The following CCDC25 variants were observed in gnomAD, a reference collection of about 807,000 sequenced individuals.
CCDC25 encodes coiled-coil domain-containing protein 25.
Under a neutral mutation model 35.3 loss-of-function variants are expected in CCDC25, and 16 were observed. The observed-to-expected ratio is 0.45, with a 90% CI of 0.31 to 0.69. CCDC25 has a LOEUF of 0.69. CCDC25 is among the 30% of genes least tolerant of loss of function. CCDC25 has a pLI of 0.06. For synonymous variants in CCDC25, 79 were observed against 80.3 expected, an observed-to-expected ratio of 0.98 and a Z score of 0.09; for missense variants, 179 against 250.7, an observed-to-expected ratio of 0.71 and a Z score of 1.93.
At chr8:27,742,013 C>T (rs1387702195) in intron 7 of CCDC25, among the ~76,000 whole-genome samples, 1 of 152,082 alleles carries the variant, frequency 6.6e-6, no homozygotes, top group African/African-American at 2.4e-5. Flanking sequence ...GAGTTAACAG[C>T]TGTAATGGTA....
At chr8:27,766,322 G>A (rs1048698407) in intron 1 of CCDC25, among the ~76,000 whole-genome samples, 8 of 152,022 alleles carry the variant, frequency 5.3e-5, no homozygotes, top group African/African-American at 1.9e-4. Flanking sequence ...AGGGCAATAC[G>A]CTCTCCTAAA....
chr8:27,756,984 A>G (rs983408371), intron 3 of CCDC25, among the ~76,000 whole-genome samples: 3 of 152,210 alleles, frequency 2.0e-5, no homozygotes, highest in South Asian at 4.1e-4. Flanking sequence ...AGCTGTGAGT[A>G]AGTGCCAAGA....
rs561968583 is a variant in CCDC25 at position 27,766,547 on chromosome 8, T to C, written c.29-1296A>G. ...AATGCTTGTCTATTATTGAGCATTG[T>C]AGTACCTTGATCAGGCCTTAGTGTA... On this transcript the variant is annotated intron_variant, in intron 1 of 8. Coordinates refer to ENST00000356537, the MANE Select transcript of CCDC25 (RefSeq NM_018246.3). Among the ~76,000 whole-genome samples, 5 of 152,324 alleles carry C rather than the reference T, an allele frequency of 3.3e-5. No homozygotes were observed. In the East Asian group the frequency reaches 5.8e-4, roughly 18 times the overall value.
intron 3 of CCDC25, among the ~76,000 whole-genome samples, chr8:27,756,977 TGTGA>T (rs755591316): frequency 2.0e-5 from 3 of 152,214 alleles, no homozygotes; most frequent in African/African-American, 2.4e-5. Flanking sequence ...ATTATGGAGC[TGTGA>T]GTAAGTGCCA....
intron 3 of CCDC25, among the ~76,000 whole-genome samples, chr8:27,759,360 A>C (rs1380044673): frequency 6.6e-6 from 1 of 152,182 alleles, no homozygotes; most frequent in African/African-American, 2.4e-5. Context: ...TCGTGCCAGC[A>C]CTTTGGGAGG....
chr8:27,742,589 G>C (rs1029098563), intron 7 of CCDC25, among the ~76,000 whole-genome samples: 2 of 152,148 alleles, frequency 1.3e-5, no homozygotes, highest in Admixed American at 1.3e-4. Flanking sequence ...CTTGGGCTGG[G>C]CACGGTAGCT....
At chr8:27,771,480 TA>T (rs1804614167) in intron 1 of CCDC25, among the ~76,000 whole-genome samples, 1 of 152,168 alleles carries the variant, frequency 6.6e-6, no homozygotes, top group African/African-American at 2.4e-5. Context: ...ATAGAACGAT[TA>T]TAACAACGTA....
At chr8:27,746,859 G>A (rs1333457803) in intron 7 of CCDC25, among the ~76,000 whole-genome samples, 2 of 152,184 alleles carry the variant, frequency 1.3e-5, no homozygotes, top group African/African-American at 2.4e-5. Context: ...ATAACAGTAC[G>A]TGTTCATTAT....
chr8:27,763,025 G>C (rs1804279166), intron 2 of CCDC25, among the ~76,000 whole-genome samples: 1 of 152,128 alleles, frequency 6.6e-6, no homozygotes, highest in Non-Finnish European at 1.5e-5. Context: ...TGGAACATGG[G>C]TATTAAGAAG....
chr8:27,750,942 C>T (rs1803779236), intron 5 of CCDC25, among the ~76,000 whole-genome samples: 1 of 152,178 alleles, frequency 6.6e-6, no homozygotes, highest in Admixed American at 6.5e-5. Context: ...CTCTGGAAAT[C>T]TCATAGCAAC....
chr8:27,768,149 C>A (rs1201573060), intron 1 of CCDC25, among the ~76,000 whole-genome samples: 1 of 152,096 alleles, frequency 6.6e-6, no homozygotes, highest in East Asian at 1.9e-4. Flanking sequence ...ACACTTGCCA[C>A]TACACTTCGG....
chr8:27,742,538 A>C (rs571542581), intron 7 of CCDC25, among the ~76,000 whole-genome samples: 1 of 152,306 alleles, frequency 6.6e-6, no homozygotes, highest in African/African-American at 2.4e-5. Flanking sequence ...CACTGGGTCA[A>C]AATTCCCATC....
In CCDC25 at chr8:27,737,789, G is replaced by A. The variant is rs1400617609; in HGVS notation, c.598-1544C>T. ...AGATACTTGCACACACATGTTTACA[G>A]TGGCACAATTCACAATTGCAAAATT... On this transcript the variant is annotated intron_variant, in intron 8 of 8. Transcript: ENST00000356537. The surrounding 1 kb of genome is among the most constrained non-coding windows in gnomAD (Gnocchi z 4.6). 6.6e-6 allele frequency among the ~76,000 whole-genome samples: 1 copy of A among 152,048 alleles called. No homozygotes were observed. Among genetic ancestry groups the A allele is most frequent in the Non-Finnish European group, 1.5e-5 (1 of 68,008 alleles).
intron 7 of CCDC25, among the ~76,000 whole-genome samples, chr8:27,742,711 AC>A (rs1803480279): frequency 1.3e-5 from 2 of 152,178 alleles, no homozygotes; most frequent in African/African-American, 2.4e-5. Flanking sequence ...CTGAAAATAT[AC>A]AAAAATTAGC....
intron 7 of CCDC25, among the ~76,000 whole-genome samples, chr8:27,745,996 G>A (rs1400627890): frequency 6.6e-6 from 1 of 152,156 alleles, no homozygotes; most frequent in Non-Finnish European, 1.5e-5. Flanking sequence ...ATGACACTAT[G>A]GAAAAAAGCC....
At chr8:27,738,158 G>A (rs568129401) in intron 8 of CCDC25, among the ~76,000 whole-genome samples, 1 of 152,130 alleles carries the variant, frequency 6.6e-6, no homozygotes, top group Admixed American at 6.5e-5. Context: ...CAAATATGGT[G>A]CAGTGTTTAC....
At chr8:27,754,389 T>C (rs934182373) in intron 4 of CCDC25, 7 of 152,236 alleles carry the variant, frequency 4.6e-5, no homozygotes, top group African/African-American at 1.7e-4. Flanking sequence ...AGATGGAATG[T>C]GGACAAGATA....
At chr8:27,759,770 ACT>A (rs989532714) in intron 3 of CCDC25, among the ~76,000 whole-genome samples, 4 of 124,516 alleles carry the variant, frequency 3.2e-5, no homozygotes, top group Admixed American at 1.7e-4. Context: ...ACAGAGCAAG[ACT>A]CTGTCTCAAA....
intron 4 of CCDC25, among the ~76,000 whole-genome samples, chr8:27,753,978 TAA>T (rs1160525742): frequency 6.6e-6 from 1 of 152,234 alleles, no homozygotes; most frequent in Admixed American, 6.5e-5. Flanking sequence ...TTTTATTTTT[TAA>T]GTTATAAAAC....
Sources: allele counts gnomAD v4.1 joint callset (sites outside exome capture counted in the v4.1 genomes callset), GRCh38; gene constraint gnomAD v4.1.1; non-coding constraint Gnocchi (gnomAD v3.1); transcripts MANE v1.5; gene names NCBI Gene and HGNC (gene_info 2026-07-23, HGNC 2026-07-21).